NEDD4L: variants seen among roughly 807,000 people sequenced by gnomAD.
The protein encoded by NEDD4L is E3 ubiquitin-protein ligase NEDD4-like.
Under a neutral mutation model 148.9 loss-of-function variants are expected in NEDD4L, and 54 were observed. That is an observed-to-expected ratio of 0.36 (90% CI 0.29 to 0.45). NEDD4L has a LOEUF of 0.45. NEDD4L is among the 20% of genes least tolerant of loss of function. NEDD4L has a pLI of 1.00. For synonymous variants in NEDD4L, 433 were observed against 440.7 expected, an observed-to-expected ratio of 0.98 and a Z score of 0.22; for missense variants, 856 against 1,233.8, an observed-to-expected ratio of 0.69 and a Z score of 4.59.
chr18:58,341,860 T>G, intron 15 of NEDD4L, 63 bp downstream of exon 15: 2 of 1,561,018 alleles, frequency 1.3e-6, no homozygotes, highest in Non-Finnish European at 1.7e-6. Flanking sequence ...CTTTCTTCTC[T>G]CTTAACTCTG....
intron 5 of NEDD4L, among the ~76,000 whole-genome samples, chr18:58,278,717 C>A (rs183305): frequency 6.6e-6 from 1 of 152,150 alleles, no homozygotes; most frequent in East Asian, 1.9e-4. Context: ...TCACTCTGCC[C>A]TGTTCCTACC....
intron 2 of NEDD4L, among the ~76,000 whole-genome samples, chr18:58,220,898 C>T (rs1020754572): frequency 6.6e-6 from 1 of 152,130 alleles, no homozygotes; most frequent in African/African-American, 2.4e-5. Context: ...GGACATGGTG[C>T]TGCTGGGTCC....
intron 1 of NEDD4L, among the ~76,000 whole-genome samples, chr18:58,122,482 A>G (rs896818167): frequency 1.3e-5 from 2 of 152,034 alleles, no homozygotes; most frequent in Non-Finnish European, 2.9e-5. Context: ...GGGCAACAAG[A>G]GCAAAATTCT....
chr18:58,248,810 AT>A (rs1459230905), intron 3 of NEDD4L, 88 bp from the exon 4 acceptor site: 16 of 681,796 alleles, frequency 2.3e-5, no homozygotes, highest in Admixed American at 1.9e-4. Context: ...AATCAAAAAA[AT>A]GTTTAAGCAA....
At chr18:58,210,028 A>T (rs516354) in intron 2 of NEDD4L, among the ~76,000 whole-genome samples, 1 of 151,794 alleles carries the variant, frequency 6.6e-6, no homozygotes, top group Non-Finnish European at 1.5e-5. Flanking sequence ...TTGGCCGGGC[A>T]TGGTGGCTTA....
chr18:58,274,995 A>T (rs935774951), intron 5 of NEDD4L, among the ~76,000 whole-genome samples: 2 of 152,224 alleles, frequency 1.3e-5, no homozygotes, highest in African/African-American at 4.8e-5. Flanking sequence ...GTTGTAAATC[A>T]TACCTACATA....
intron 2 of NEDD4L, 147 bp downstream of exon 2, chr18:58,166,008 A>G: frequency 1.5e-6 from 1 of 673,794 alleles, no homozygotes; most frequent in Non-Finnish European, 2.6e-6. Flanking sequence ...TTAGGAAGTG[A>G]TGCTGGCCCA....
intron 5 of NEDD4L, among the ~76,000 whole-genome samples, chr18:58,302,600 A>G (rs930180904): frequency 1.3e-5 from 2 of 152,310 alleles, no homozygotes; most frequent in Admixed American, 6.5e-5. Flanking sequence ...CCTATTTCTC[A>G]ACAGTCAATT....
intron 1 of NEDD4L, chr18:58,091,737 A>G (rs1163677968): frequency 6.6e-6 from 1 of 152,216 alleles, no homozygotes; most frequent in African/African-American, 2.4e-5. Context: ...CAGAGTTTTC[A>G]TTTAGGTGGG....
intron 1 of NEDD4L, among the ~76,000 whole-genome samples, chr18:58,163,108 C>T (rs982763294): frequency 6.6e-6 from 1 of 152,000 alleles, no homozygotes. Flanking sequence ...GCTATGTTGC[C>T]CAGGCTAGAG....
At chr18:58,298,698 C>T (rs1023811218) in intron 5 of NEDD4L, among the ~76,000 whole-genome samples, 3 of 152,114 alleles carry the variant, frequency 2.0e-5, no homozygotes, top group Non-Finnish European at 4.4e-5. Flanking sequence ...ATCACTGTTC[C>T]CTCTGGTTCA....
chr18:58,365,326 A>G (rs186071076), intron 20 of NEDD4L, among the ~76,000 whole-genome samples: 5 of 152,000 alleles, frequency 3.3e-5, no homozygotes, highest in East Asian at 3.9e-4. Context: ...GTCTCACTCT[A>G]TGGCTCTCAC....
intron 1 of NEDD4L, among the ~76,000 whole-genome samples, chr18:58,144,093 G>C (rs2033846519): frequency 6.7e-6 from 1 of 149,348 alleles, no homozygotes. Flanking sequence ...TCATGACTCT[G>C]GTTATATATT....
intron 1 of NEDD4L, among the ~76,000 whole-genome samples, chr18:58,165,121 T>C (rs1482807629): frequency 6.6e-6 from 1 of 152,238 alleles, no homozygotes; most frequent in Non-Finnish European, 1.5e-5. Context: ...CAATAGAGCC[T>C]GGAGCATATT....
At chr18:58,089,345 G>C (rs909192018) in intron 1 of NEDD4L, among the ~76,000 whole-genome samples, 1 of 151,996 alleles carries the variant, frequency 6.6e-6, no homozygotes, top group East Asian at 1.9e-4. Context: ...ATATTGGCCA[G>C]CCTGGTCTTG....
At chr18:58,234,055 TTC>T (rs1318023970) in intron 2 of NEDD4L, among the ~76,000 whole-genome samples, 1 of 78,716 alleles carries the variant, frequency 1.3e-5, no homozygotes, top group Non-Finnish European at 2.5e-5. Flanking sequence ...TTTTCTTTCT[TTC>T]TTTCTTTCTT....
At chr18:58,378,567 T>C (rs1036723943) in intron 24 of NEDD4L, among the ~76,000 whole-genome samples, 1 of 152,152 alleles carries the variant, frequency 6.6e-6, no homozygotes, top group Admixed American at 6.5e-5. Flanking sequence ...AAGGCTGGCA[T>C]GGACTTGCTG....
intron 5 of NEDD4L, among the ~76,000 whole-genome samples, chr18:58,262,339 G>A (rs961994513): frequency 6.6e-6 from 1 of 152,156 alleles, no homozygotes; most frequent in Admixed American, 6.5e-5. Context: ...ATGTTTTTAA[G>A]AAATGCTGGC....
chr18:58,283,878 C>T lies in NEDD4L; in HGVS notation c.297+31824C>T, dbSNP rs1045873528. Among the ~76,000 whole-genome samples, 28 of 152,158 alleles carry T rather than the reference C, an allele frequency of 1.8e-4. 1 individual carries two copies. Among genetic ancestry groups the T allele is most frequent in the African/African-American group, 6.5e-4 (27 of 41,422 alleles). ...TAAGATGAGGCCATGAATGTGGACCCTAATCTGACTGGTAGCCTTATAAAA... is the reference window on the plus strand; with the variant it reads ...TAAGATGAGGCCATGAATGTGGACCTTAATCTGACTGGTAGCCTTATAAAA... On this transcript the variant is annotated intron_variant, in intron 5 of 30. Transcript: ENST00000400345.
Sources: gnomAD v4.1 joint callset for allele counts (sites outside exome capture counted in the v4.1 genomes callset) on GRCh38, gnomAD v4.1.1 for gene constraint, MANE v1.5 for transcripts, NCBI Gene and HGNC (gene_info 2026-07-23, HGNC 2026-07-21) for gene names.